The following WDR37 variants were observed in gnomAD, a reference collection of about 807,000 sequenced individuals.
WDR37 encodes the protein WD repeat domain 37.
A neutral mutation model predicts 62.9 loss-of-function variants in WDR37; 19 were observed. That is an observed-to-expected ratio of 0.30 (90% confidence interval 0.21 to 0.44). WDR37 has a LOEUF of 0.44. WDR37 is among the 20% of genes least tolerant of loss of function. The pLI, the probability that WDR37 is intolerant of heterozygous loss-of-function variation, is 1.00. For synonymous variants in WDR37, 250 were observed against 260.9 expected (o/e 0.96, Z 0.40); for missense variants, 474 against 657.6 (o/e 0.72, Z 3.05).
chr10:1,092,213 C>T (rs1198258071), intron 7 of WDR37, among the ~76,000 whole-genome samples: 2 of 144,382 alleles, frequency 1.4e-5, no homozygotes, highest in Admixed American at 6.9e-5. Flanking sequence ...ATGATAGCTT[C>T]CTCAGACCTC....
intron 7 of WDR37, among the ~76,000 whole-genome samples, chr10:1,090,227 C>T (rs762328582): frequency 3.3e-5 from 5 of 151,752 alleles, no homozygotes; most frequent in South Asian, 4.2e-4. Flanking sequence ...GGTAGGATCT[C>T]GGCTCACTGC....
chr10:1,108,367 CT>C (rs1194266338), intron 11 of WDR37, among the ~76,000 whole-genome samples: 3 of 152,184 alleles, frequency 2.0e-5, no homozygotes, highest in Non-Finnish European at 4.4e-5. Flanking sequence ...CAAGCCTGCT[CT>C]TTTGCAGAAC....
chr10:1,102,548 G>A (rs981694805), intron 9 of WDR37, among the ~76,000 whole-genome samples: 7 of 152,206 alleles, frequency 4.6e-5, no homozygotes, highest in South Asian at 2.1e-4. Flanking sequence ...AAGGCGAAGC[G>A]GGAGAAGGCG....
intron 1 of WDR37, among the ~76,000 whole-genome samples, chr10:1,070,531 A>G (rs955270179): frequency 6.6e-6 from 1 of 152,146 alleles, no homozygotes; most frequent in Non-Finnish European, 1.5e-5. Flanking sequence ...AAGGTTAAAT[A>G]TGTTGATTTC....
chr10:1,081,428 AT>A (rs1237830916), intron 5 of WDR37, among the ~76,000 whole-genome samples: 1 of 152,120 alleles, frequency 6.6e-6, no homozygotes, highest in Non-Finnish European at 1.5e-5. Context: ...TTAGCTTTTT[AT>A]TTTTCCAATT....
chr10:1,082,907 A>T (rs769042216), intron 5 of WDR37, among the ~76,000 whole-genome samples: 4 of 152,220 alleles, frequency 2.6e-5, no homozygotes, highest in Non-Finnish European at 4.4e-5. Context: ...TACTGTTATT[A>T]ATGTTAGAAG....
At chr10:1,126,288 C>T (rs1482286408) in intron 13 of WDR37, among the ~76,000 whole-genome samples, 1 of 151,652 alleles carries the variant, frequency 6.6e-6, no homozygotes, top group South Asian at 2.1e-4. Context: ...CGTCTGTAGT[C>T]CCAGCTACTC....
chr10:1,080,135 C>T (rs1371168710), intron 4 of WDR37, 29 bp downstream of exon 4: 2 of 1,611,064 alleles, frequency 1.2e-6, no homozygotes, highest in African/African-American at 2.7e-5. Context: ...AAGTCTTGTC[C>T]TGCAGATTAT....
chr10:1,066,197 C>T lies in WDR37; in HGVS notation c.-40-5919C>T, dbSNP rs779796847. On this transcript the variant is annotated intron_variant, in intron 1 of 13. Transcript: ENST00000263150. ...GTGGCGCGATCTTGGCTCACTGCAA[C>T]CTCCGCCTCCCGGGTTGATGCCATT... Among the ~76,000 whole-genome samples the T allele has an allele frequency of 2.6e-5, 4 of 152,072 alleles. No homozygotes were observed. In the South Asian group the frequency reaches 6.2e-4, roughly 24 times the overall value.
At position 1,127,733 on chromosome 10, in the gene WDR37, G is replaced by C. The variant is rs116191003; in HGVS notation, c.1354-1480G>C. On this transcript the variant is annotated intron_variant, in intron 13 of 13. Transcript: ENST00000263150. ...TCTGTGACGTGGAGGCTCACGGAGT[G>C]TGAGGGTCCCTGTGATGTGGAGGCC... is the stretch of plus-strand genomic sequence containing the variant. Among the ~76,000 whole-genome samples, 1,298 of 152,306 alleles carry C rather than the reference G, an allele frequency of 8.5e-3. 23 individuals carry two copies. Among genetic ancestry groups the C allele is most frequent in the African/African-American group, 0.029 (1,217 of 41,570 alleles).
chr10:1,126,111 C>A (rs1231398103), intron 13 of WDR37, among the ~76,000 whole-genome samples: 1 of 152,068 alleles, frequency 6.6e-6, no homozygotes, highest in African/African-American at 2.4e-5. Context: ...CACAGAAACT[C>A]CCCGGGGTCA....
At chr10:1,078,620 TA>T (rs1374756081) in intron 3 of WDR37, among the ~76,000 whole-genome samples, 1 of 152,240 alleles carries the variant, frequency 6.6e-6, no homozygotes, top group African/African-American at 2.4e-5. Context: ...CACAGTGAAA[TA>T]AACAGGTCCT....
At position 1,131,265 on chromosome 10, in the gene WDR37, G is replaced by A. The variant is rs1198730616; in HGVS notation, c.*1921G>A. On this transcript the variant is annotated 3_prime_UTR_variant, in exon 14 of 14. Transcript: ENST00000263150. ...GTCTGAGCCCAGGGCAGCTTCTGGG[G>A]CCACTGCACAGGCCACCTGCTTGGG... 2 of 152,268 alleles carry A rather than the reference G, an allele frequency of 1.3e-5. No individual in the cohort carries two copies. Among genetic ancestry groups the A allele is most frequent in the Non-Finnish European group, 2.9e-5 (2 of 68,088 alleles). 9.4% of individuals were successfully genotyped at this position (152,268 alleles called of 1,614,324 possible). A position where few individuals can be genotyped will look rare whatever the true frequency, so the allele number is the denominator to read the frequency against.
intron 4 of WDR37, 137 bp from the exon 5 acceptor site, chr10:1,080,275 C>A: frequency 7.9e-7 from 1 of 1,272,952 alleles, no homozygotes; most frequent in Non-Finnish European, 1.1e-6. Flanking sequence ...TCCTGTTCTG[C>A]CATGGCTCTG....
rs1228355264 is a variant in WDR37 at position 1,077,888 on chromosome 10, A to G, written c.139-19A>G. On this transcript the variant is annotated intron_variant, in intron 2 of 13. Coordinates refer to ENST00000263150, the MANE Select transcript of WDR37 (RefSeq NM_014023.4). ...TTTTTCATTCATTCATTCATTTTAA[A>G]CAAAGTCTTCTTCTGCAGGATTCTA... 6.3e-7 allele frequency: 1 copy of G among 1,588,758 alleles called. No individual in the cohort carries two copies. Among genetic ancestry groups the G allele is most frequent in the African/African-American group, 1.3e-5 (1 of 74,182 alleles).
chr10:1,095,456 T>A (rs568258091), intron 8 of WDR37, among the ~76,000 whole-genome samples: 1 of 152,202 alleles, frequency 6.6e-6, no homozygotes, highest in African/African-American at 2.4e-5. Context: ...GGGCATGATG[T>A]TGATTTGAGG....
chr10:1,110,253 C>T (rs960195729), intron 11 of WDR37, among the ~76,000 whole-genome samples: 9 of 152,332 alleles, frequency 5.9e-5, no homozygotes, highest in African/African-American at 1.9e-4. Context: ...AGGATGAGGG[C>T]TTGGTCAGCA....
chr10:1,073,981 C>A (rs555910296), intron 2 of WDR37, among the ~76,000 whole-genome samples: 2 of 152,344 alleles, frequency 1.3e-5, no homozygotes, highest in South Asian at 4.1e-4. Flanking sequence ...TGCGGCAGGA[C>A]TCCTGTGGTG....
rs951267588 is a variant in WDR37, at chr10:1,130,353, G to T, written c.*1009G>T. On this transcript the variant is annotated 3_prime_UTR_variant, in exon 14 of 14. Transcript: ENST00000263150. ...ATACTGAGTTCAGTTCAGAAGGCAG[G>T]AAAGACAGTCACACCGACGTGTCCT... The T allele has an allele frequency of 6.5e-6, 1 of 152,702 alleles. No homozygotes were observed. Among genetic ancestry groups the T allele is most frequent in the Non-Finnish European group, 1.5e-5 (1 of 68,066 alleles). 9.5% of individuals were successfully genotyped at this position (152,702 alleles called of 1,614,324 possible). A position where few individuals can be genotyped will look rare whatever the true frequency, so the allele number is the denominator to read the frequency against.
Sources: allele counts gnomAD v4.1 joint callset (sites outside exome capture counted in the v4.1 genomes callset), GRCh38; gene constraint gnomAD v4.1.1; transcripts MANE v1.5; gene names NCBI Gene and HGNC (gene_info 2026-07-23, HGNC 2026-07-21).